The following LCLAT1 variants were observed in gnomAD, a reference collection of about 807,000 sequenced individuals.
LCLAT1 encodes the protein 1-AGP acyltransferase 8.
In LCLAT1, 11 loss-of-function variants were observed where a neutral mutation model predicts 30.7. The observed-to-expected ratio is 0.36, with a 90% CI of 0.23 to 0.59. LCLAT1 has a LOEUF of 0.59. Ranked by LOEUF, LCLAT1 falls within the 20% of genes least tolerant of loss-of-function variation. The pLI is 0.77. For synonymous variants in LCLAT1, 155 were observed against 151.3 expected (o/e 1.02, Z -0.18); for missense variants, 402 against 458.6 (o/e 0.88, Z 1.13).
chr2:30,631,003 C>G (rs1280963181), intron 5 of LCLAT1, among the ~76,000 whole-genome samples: 1 of 152,136 alleles, frequency 6.6e-6, no homozygotes, highest in Non-Finnish European at 1.5e-5. Context: ...TGATTAACTC[C>G]CACCAGTTGA....
In LCLAT1 at chr2:30,566,201, T is replaced by C. The variant is rs75786628; in HGVS notation, c.512-1859T>C. On this transcript the variant is annotated intron_variant, in intron 4 of 5. Coordinates refer to ENST00000379509, the MANE Select transcript of LCLAT1 (RefSeq NM_001002257.3). ...CATTTTTACCGTCCCACATTGTGAC[T>C]GTTTGTTTTAGAGCTGTTTATACTT... is the stretch of plus-strand genomic sequence containing the variant. Among the ~76,000 whole-genome samples, 1,194 of 152,312 alleles carry C rather than the reference T, an allele frequency of 7.8e-3. 13 individuals carry two copies. The highest frequency in any genetic ancestry group is 0.026 in the African/African-American group (1,101 of 41,552).
intron 1 of LCLAT1, among the ~76,000 whole-genome samples, chr2:30,449,690 G>C (rs1024676176): frequency 1.3e-5 from 2 of 151,936 alleles, no homozygotes; most frequent in Non-Finnish European, 2.9e-5. Context: ...AGTAGAGACG[G>C]GGTTTCTCTG....
intron 5 of LCLAT1, among the ~76,000 whole-genome samples, chr2:30,638,115 C>T (rs1016019851): frequency 1.3e-5 from 2 of 152,104 alleles, no homozygotes; most frequent in African/African-American, 4.8e-5. Context: ...AGTTATGAAA[C>T]CAAATTGAAG....
chr2:30,632,645 A>G (rs1446070231), intron 5 of LCLAT1, among the ~76,000 whole-genome samples: 3 of 152,250 alleles, frequency 2.0e-5, no homozygotes, highest in Non-Finnish European at 4.4e-5. Flanking sequence ...AATAATGATG[A>G]TACAACAAGA....
At chr2:30,448,385 TC>T (rs1681372554) in intron 1 of LCLAT1, among the ~76,000 whole-genome samples, 1 of 152,250 alleles carries the variant, frequency 6.6e-6, no homozygotes, top group Admixed American at 6.5e-5. Flanking sequence ...TAAAAATACA[TC>T]ATCACTTTTT....
At chr2:30,610,637 G>C (rs1042095945) in intron 5 of LCLAT1, among the ~76,000 whole-genome samples, 1 of 152,092 alleles carries the variant, frequency 6.6e-6, no homozygotes, top group African/African-American at 2.4e-5. Flanking sequence ...CACAAGTGCT[G>C]TAACAGGCTG....
intron 5 of LCLAT1, among the ~76,000 whole-genome samples, chr2:30,590,349 T>C (rs541636487): frequency 6.6e-6 from 1 of 151,058 alleles, no homozygotes; most frequent in African/African-American, 2.4e-5. Flanking sequence ...TTGGAAACAA[T>C]AGTTGATTAG....
At chr2:30,459,616 C>T (rs766841838) in intron 1 of LCLAT1, 1 of 1,609,296 alleles carries the variant, frequency 6.2e-7, no homozygotes, top group South Asian at 1.1e-5. Flanking sequence ...GTGATATATG[C>T]ATTCCAGGGG....
chr2:30,466,757 C>G (rs1007209626), intron 1 of LCLAT1, among the ~76,000 whole-genome samples: 2 of 152,096 alleles, frequency 1.3e-5, no homozygotes, highest in African/African-American at 4.8e-5. Flanking sequence ...CTCCCCACCC[C>G]CTGGTAATCT....
intron 5 of LCLAT1, among the ~76,000 whole-genome samples, chr2:30,608,605 T>C (rs1482525891): frequency 6.6e-6 from 1 of 152,076 alleles, no homozygotes; most frequent in Non-Finnish European, 1.5e-5. Context: ...GACACACAAA[T>C]ACTTAGCATT....
At chr2:30,480,234 C>T (rs1199436069) in intron 1 of LCLAT1, among the ~76,000 whole-genome samples, 1 of 152,086 alleles carries the variant, frequency 6.6e-6, no homozygotes, top group Non-Finnish European at 1.5e-5. Context: ...TTTTTCCAGA[C>T]AGGGGCTTGC....
intron 1 of LCLAT1, among the ~76,000 whole-genome samples, chr2:30,485,966 T>C (rs1035350392): frequency 1.3e-5 from 2 of 152,208 alleles, no homozygotes; most frequent in African/African-American, 4.8e-5. Context: ...AGCATATATT[T>C]TGAGTATAGT....
intron 5 of LCLAT1, among the ~76,000 whole-genome samples, chr2:30,587,748 C>A (rs1572662089): frequency 6.6e-6 from 1 of 151,916 alleles, no homozygotes; most frequent in Non-Finnish European, 1.5e-5. Flanking sequence ...GTATGAATAA[C>A]TCATTTGTTT....
chr2:30,629,111 G>A (rs1055358713), intron 5 of LCLAT1, among the ~76,000 whole-genome samples: 1 of 152,178 alleles, frequency 6.6e-6, no homozygotes, highest in African/African-American at 2.4e-5. Context: ...ATAAACTCAA[G>A]AGTGGCTATA....
intron 5 of LCLAT1, among the ~76,000 whole-genome samples, chr2:30,615,168 C>T (rs956946196): frequency 1.3e-5 from 2 of 151,924 alleles, no homozygotes. Context: ...TGTTGATGGT[C>T]AAGATAGAAT....
chr2:30,512,586 G>T (rs894284827), intron 1 of LCLAT1, among the ~76,000 whole-genome samples: 2 of 152,128 alleles, frequency 1.3e-5, no homozygotes, highest in African/African-American at 4.8e-5. Flanking sequence ...GTTGAAATCA[G>T]ACCTATTAAT....
At chr2:30,622,769 A>C (rs1332769600) in intron 5 of LCLAT1, among the ~76,000 whole-genome samples, 2 of 152,166 alleles carry the variant, frequency 1.3e-5, no homozygotes, top group Non-Finnish European at 2.9e-5. Flanking sequence ...GCACCACATC[A>C]AGGGAGCACC....
At chr2:30,554,668 C>G (rs74910977) in intron 3 of LCLAT1, among the ~76,000 whole-genome samples, 5,641 of 152,204 alleles carry the variant, frequency 0.037, 142 homozygotes, top group Admixed American at 0.064. Context: ...CACAGTAAAC[C>G]TTTTTATTAT....
chr2:30,613,389 G>A (rs1667832450), intron 5 of LCLAT1, among the ~76,000 whole-genome samples: 1 of 152,116 alleles, frequency 6.6e-6, no homozygotes, highest in Admixed American at 6.6e-5. Flanking sequence ...TTGTAATAAT[G>A]CAGGAAAGAG....
Sources: gnomAD v4.1 joint callset for allele counts (sites outside exome capture counted in the v4.1 genomes callset) on GRCh38, gnomAD v4.1.1 for gene constraint, MANE v1.5 for transcripts, NCBI Gene and HGNC (gene_info 2026-07-23, HGNC 2026-07-21) for gene names.